CYP7B1: variants seen among roughly 807,000 people sequenced by gnomAD.
CYP7B1 encodes cytochrome P450 family 7 subfamily B member 1.
In CYP7B1, 29 loss-of-function variants were observed where a neutral mutation model predicts 42.7. The observed-to-expected ratio is 0.68, with a 90% CI of 0.51 to 0.93. The LOEUF (loss-of-function observed/expected upper bound fraction) is 0.93, where lower values mean the gene tolerates loss of function less well. CYP7B1 is among the 40% of genes least tolerant of loss of function. CYP7B1 has a pLI of 0.00. For missense variants in CYP7B1, 655 were observed against 600.5 expected, an observed-to-expected ratio of 1.09 and a Z score of -0.95; for synonymous variants, 235 against 218.2, an observed-to-expected ratio of 1.08 and a Z score of -0.68.
intron 1 of CYP7B1, among the ~76,000 whole-genome samples, chr8:64,681,256 CT>C (rs1391225456): frequency 2.6e-5 from 4 of 152,168 alleles, no homozygotes; most frequent in Non-Finnish European, 5.9e-5. Flanking sequence ...TTCTCTGGGC[CT>C]GTTTCTTTGT....
At chr8:64,613,533 T>C (rs1022959554) in intron 4 of CYP7B1, among the ~76,000 whole-genome samples, 1 of 152,124 alleles carries the variant, frequency 6.6e-6, no homozygotes, top group Non-Finnish European at 1.5e-5. Flanking sequence ...CTTGAATGTA[T>C]GGGAAATGCA....
At chr8:64,674,828 T>A (rs1381677690) in intron 1 of CYP7B1, among the ~76,000 whole-genome samples, 1 of 152,172 alleles carries the variant, frequency 6.6e-6, no homozygotes, top group Admixed American at 6.6e-5. Flanking sequence ...ATGACTCATC[T>A]TTGTTTAGTT....
rs752857874 is a variant in CYP7B1, at chr8:64,615,038, G to T, written c.1045C>A (p.Leu349Ile). The T allele has an allele frequency of 6.2e-7, 1 of 1,613,570 alleles. No homozygotes were observed. The highest frequency in any genetic ancestry group is 8.5e-7 in the Non-Finnish European group (1 of 1,179,682). ...AAAAATAAATTACCTAGGCAGATTA[G>T]GCTGTCCAATTGTTCTCTGGTGAGG... is the stretch of plus-strand genomic sequence containing the variant. ...IHLTREQLDS[L>I]ICLESSIFEA... The change falls in exon 4 of 6, where the codon CTA becomes ATA. Residue 349 changes from leucine (L) to isoleucine (I), a missense_variant. Physicochemically the swap from Leu to Ile is conservative, Grantham distance 5. Coordinates refer to ENST00000310193, the MANE Select transcript of CYP7B1 (RefSeq NM_004820.5).
chr8:64,719,516 G>A (rs917890585), intron 1 of CYP7B1, among the ~76,000 whole-genome samples: 1 of 152,230 alleles, frequency 6.6e-6, no homozygotes, highest in African/African-American at 2.4e-5. Context: ...GCTACACGCT[G>A]CCTTTGGGTT....
chr8:64,604,943 T>C (rs1805257819), intron 4 of CYP7B1, 86 bp from the exon 5 acceptor site: 3 of 1,385,952 alleles, frequency 2.2e-6, no homozygotes, highest in Non-Finnish European at 3.0e-6. Context: ...TCATTACTAA[T>C]AGCCTTGATT....
intron 1 of CYP7B1, among the ~76,000 whole-genome samples, chr8:64,651,478 C>T (rs536805338): frequency 6.6e-6 from 1 of 152,312 alleles, no homozygotes; most frequent in South Asian, 2.1e-4. Flanking sequence ...CTGGTTTCAC[C>T]ATCTACTCAA....
intron 4 of CYP7B1, among the ~76,000 whole-genome samples, chr8:64,614,405 T>A (rs961360279): frequency 2.0e-5 from 3 of 152,076 alleles, no homozygotes; most frequent in Non-Finnish European, 4.4e-5. Context: ...ACAGGAATAG[T>A]TTGTAGTTGT....
rs1222875488 is a variant in CYP7B1 at position 64,592,950 on chromosome 8, T to C, written c.*3692A>G. 1.3e-5 allele frequency among the ~76,000 whole-genome samples: 2 copies of C among 152,196 alleles called. No individual in the cohort carries two copies. The highest frequency in any genetic ancestry group is 4.8e-5 in the African/African-American group (2 of 41,458). On this transcript the variant is annotated 3_prime_UTR_variant, in exon 6 of 6. Coordinates refer to ENST00000310193, the MANE Select transcript of CYP7B1 (RefSeq NM_004820.5). Reference sequence around the variant, plus strand: ...CTGTCACAAGATTCTCAATGTTTTGTTTTGGTTCTACTATTCATTCCTTTT... The same window carrying C: ...CTGTCACAAGATTCTCAATGTTTTGCTTTGGTTCTACTATTCATTCCTTTT...
intron 1 of CYP7B1, among the ~76,000 whole-genome samples, chr8:64,709,169 C>A (rs1205236390): frequency 2.6e-5 from 4 of 152,186 alleles, no homozygotes; most frequent in Non-Finnish European, 2.9e-5. Flanking sequence ...AAGACACAAT[C>A]ATTTCCTTGG....
intron 1 of CYP7B1, among the ~76,000 whole-genome samples, chr8:64,758,433 G>A (rs1003714810): frequency 1.3e-5 from 2 of 152,102 alleles, no homozygotes; most frequent in Non-Finnish European, 2.9e-5. Flanking sequence ...TAGCTATGTA[G>A]CTTTGAAACA....
chr8:64,732,087 C>A (rs1807420332), intron 1 of CYP7B1, among the ~76,000 whole-genome samples: 1 of 152,234 alleles, frequency 6.6e-6, no homozygotes, highest in Admixed American at 6.5e-5. Context: ...AGAGTCTCCA[C>A]TGGGGCACTG....
chr8:64,785,148 A>C (rs1015160381), intron 1 of CYP7B1, among the ~76,000 whole-genome samples: 1 of 152,222 alleles, frequency 6.6e-6, no homozygotes, highest in African/African-American at 2.4e-5. Context: ...GAAAATTAAA[A>C]CAATAAGTAT....
chr8:64,625,131 A>G (rs1388920745), intron 1 of CYP7B1, among the ~76,000 whole-genome samples: 1 of 149,978 alleles, frequency 6.7e-6, no homozygotes, highest in Non-Finnish European at 1.5e-5. Flanking sequence ...CTGCCACCAC[A>G]CCCGGCTAAT....
chr8:64,681,804 C>G (rs1396969710), intron 1 of CYP7B1, among the ~76,000 whole-genome samples: 1 of 152,176 alleles, frequency 6.6e-6, no homozygotes, highest in African/African-American at 2.4e-5. Flanking sequence ...AACCACCCAG[C>G]TCAGCCTTTC....
At chr8:64,708,573 C>G (rs1807034311) in intron 1 of CYP7B1, among the ~76,000 whole-genome samples, 1 of 152,134 alleles carries the variant, frequency 6.6e-6, no homozygotes, top group African/African-American at 2.4e-5. Context: ...GCTATGATAT[C>G]AGCTCCAGTA....
At chr8:64,680,426 C>T (rs969522405) in intron 1 of CYP7B1, among the ~76,000 whole-genome samples, 2 of 152,144 alleles carry the variant, frequency 1.3e-5, no homozygotes, top group African/African-American at 2.4e-5. Context: ...CTACCCAAAC[C>T]AGGTCTGTGC....
At chr8:64,762,016 T>C (rs1172058780) in intron 1 of CYP7B1, among the ~76,000 whole-genome samples, 1 of 152,200 alleles carries the variant, frequency 6.6e-6, no homozygotes, top group Admixed American at 6.5e-5. Context: ...TCTGAACTGC[T>C]TTCCAAATTT....
At position 64,798,600 on chromosome 8, in the gene CYP7B1, A is replaced by T; in HGVS notation, c.-13T>A. 3 of 1,456,428 alleles carry T rather than the reference A, an allele frequency of 2.1e-6. No homozygotes were observed. The highest frequency in any genetic ancestry group is 2.7e-6 in the Non-Finnish European group (3 of 1,114,060). The allele number at this position is 1,456,428 out of a possible 1,614,324, so 90.2% of individuals were successfully genotyped here. On this transcript the variant is annotated 5_prime_UTR_variant, in exon 1 of 6. Transcript: ENST00000310193. The stretch of plus-strand genomic sequence containing the variant: ...CTTCTCCTGCCATCCGGCGCGCGCT[A>T]GGCCGCGGTGGGCAGCCCGGGGTCT...
chr8:64,589,148 C>T (rs920772716), downstream of CYP7B1, among the ~76,000 whole-genome samples: 14 of 152,306 alleles, frequency 9.2e-5, no homozygotes, highest in Admixed American at 3.3e-4. Context: ...CTCACACACT[C>T]AAACTATCCC....
Sources: allele counts gnomAD v4.1 joint callset (sites outside exome capture counted in the v4.1 genomes callset), GRCh38; gene constraint gnomAD v4.1.1; transcripts MANE v1.5; gene names NCBI Gene and HGNC (gene_info 2026-07-23, HGNC 2026-07-21).